The following RBPJ variants were observed in gnomAD, a reference collection of about 807,000 sequenced individuals.
RBPJ encodes recombining binding protein suppressor of hairless.
RBPJ carries 9 observed loss-of-function variants against 67.8 expected under a neutral mutation model. The observed-to-expected ratio is 0.13, with a 90% confidence interval of 0.08 to 0.23. RBPJ has a LOEUF of 0.23. Ranked by LOEUF, RBPJ falls within the 10% of genes least tolerant of loss-of-function variation. RBPJ has a pLI of 1.00. For synonymous variants in RBPJ, 198 were observed against 203.3 expected (o/e 0.97, Z 0.22); for missense variants, 305 against 595.6 (o/e 0.51, Z 5.08).
At chr4:26,313,683 A>T (rs1722511443) in intron 1 of RBPJ, among the ~76,000 whole-genome samples, 1 of 151,804 alleles carries the variant, frequency 6.6e-6, no homozygotes, top group Non-Finnish European at 1.5e-5. Flanking sequence ...AAAAAAAAAA[A>T]AAATTAGCAG....
intron 1 of RBPJ, among the ~76,000 whole-genome samples, chr4:26,231,723 A>G (rs1337783336): frequency 1.3e-5 from 2 of 150,194 alleles, no homozygotes; most frequent in Middle Eastern, 3.5e-3. Context: ...ATTTTTTTGT[A>G]TTTTTAGTAG....
At chr4:26,249,997 C>T (rs1386928174) in intron 1 of RBPJ, among the ~76,000 whole-genome samples, 1 of 151,366 alleles carries the variant, frequency 6.6e-6, no homozygotes, top group African/African-American at 2.4e-5. Context: ...TGTTGGTCAG[C>T]CTGGTCTCGA....
chr4:26,292,524 G>A (rs1046292804), intron 1 of RBPJ, among the ~76,000 whole-genome samples: 3 of 150,276 alleles, frequency 2.0e-5, no homozygotes, highest in Non-Finnish European at 3.0e-5. Context: ...GGGTTCAAGC[G>A]ATTCTCCTGT....
chr4:26,129,243 G>A, the RBPJ span, among the ~76,000 whole-genome samples: 112 of 152,292 alleles, frequency 7.4e-4, 1 homozygote, highest in African/African-American at 2.2e-3. Flanking sequence ...TCAAATAGGT[G>A]TTCTGTTTCC....
the RBPJ span, among the ~76,000 whole-genome samples, chr4:26,145,481 G>A: frequency 3.3e-5 from 5 of 152,286 alleles, no homozygotes; most frequent in East Asian, 1.9e-4. Context: ...ACTAATCTTC[G>A]AGTCCAGTGC....
intron 1 of RBPJ, among the ~76,000 whole-genome samples, chr4:26,340,214 T>C (rs1393613428): frequency 6.6e-6 from 1 of 152,012 alleles, no homozygotes; most frequent in Non-Finnish European, 1.5e-5. Flanking sequence ...GGCAAGATGG[T>C]CAAGGAAGGC....
intron 1 of RBPJ, among the ~76,000 whole-genome samples, chr4:26,222,690 A>T (rs906692433): frequency 1.3e-5 from 2 of 149,392 alleles, no homozygotes; most frequent in Admixed American, 1.3e-4. Context: ...GAAAGAAAGA[A>T]AAAGAACAGA....
the RBPJ span, among the ~76,000 whole-genome samples, chr4:26,147,837 T>A: frequency 6.6e-6 from 1 of 152,082 alleles, no homozygotes; most frequent in Non-Finnish European, 1.5e-5. Context: ...GTTGCAGTAA[T>A]TTGTTTAGGT....
the RBPJ span, among the ~76,000 whole-genome samples, chr4:26,135,546 A>G: frequency 1.3e-5 from 2 of 151,964 alleles, no homozygotes; most frequent in East Asian, 3.9e-4. Context: ...TGCAAGCAGA[A>G]GAGCTGAGAT....
At chr4:26,254,408 T>C (rs1720222658) in intron 1 of RBPJ, among the ~76,000 whole-genome samples, 1 of 148,752 alleles carries the variant, frequency 6.7e-6, no homozygotes, top group Non-Finnish European at 1.5e-5. Flanking sequence ...TGTATTCCAC[T>C]CAACTTTAGG....
At chr4:26,153,582 C>A in the RBPJ span, among the ~76,000 whole-genome samples, 8 of 152,174 alleles carry the variant, frequency 5.3e-5, no homozygotes, top group Non-Finnish European at 7.4e-5. Context: ...AATGTTTCCT[C>A]CAGTGTCACT....
intron 2 of RBPJ, among the ~76,000 whole-genome samples, chr4:26,397,323 A>T (rs1462513676): frequency 4.6e-5 from 7 of 152,250 alleles, no homozygotes; most frequent in Non-Finnish European, 1.0e-4. Flanking sequence ...ATAAATCAGG[A>T]TGCCTTTTGG....
intron 1 of RBPJ, among the ~76,000 whole-genome samples, chr4:26,270,437 G>GAAAGAAAGGAAGA (rs757127437): frequency 3.3e-5 from 1 of 30,200 alleles, no homozygotes; most frequent in Non-Finnish European, 9.8e-5. Context: ...AAGAAAGAAA[G>GAAAGAAAGGAAGA]AAGAAAGAAA....
chr4:26,424,670 G>A lies in RBPJ; in HGVS notation c.674G>A (p.Arg225Gln). The change falls in exon 7 of 11, where the codon CGA (arginine) becomes CAA (glutamine). Residue 225 changes from arginine to glutamine, a missense_variant. Physicochemically the swap from Arg to Gln is conservative, Grantham distance 43. This residue lies in a region of RBPJ where 66 missense variants were observed against 226.0 expected (regional missense o/e 0.29). Coordinates refer to ENST00000355476, the MANE Select transcript of RBPJ (RefSeq NM_015874.6). This position sits in a 1 kb window ranked among gnomAD's most constrained non-coding sequence, Gnocchi z 5.3. ...TCAGAAGGAGAAGAATTCACAGTCC[G>A]AGATGGCTACATCCATTATGGACAA... ...DESEGEEFTV[R>Q]DGYIHYGQTV... The A allele has an allele frequency of 4.3e-6, 7 of 1,613,772 alleles. No individual in the cohort carries two copies. The highest frequency in any genetic ancestry group is 2.2e-5 in the East Asian group (1 of 44,866).
the RBPJ span, among the ~76,000 whole-genome samples, chr4:26,107,514 G>A: frequency 6.6e-5 from 10 of 152,212 alleles, no homozygotes; most frequent in East Asian, 5.8e-4. Context: ...GGGAAACAGC[G>A]GATATTATAG....
intron 1 of RBPJ, among the ~76,000 whole-genome samples, chr4:26,170,156 G>A (rs531114773): frequency 3.0e-4 from 46 of 152,224 alleles, no homozygotes; most frequent in African/African-American, 6.5e-4. Context: ...GAAATCACCC[G>A]TCTTCTGCGT....
chr4:26,352,319 G>C (rs549863152), intron 1 of RBPJ, among the ~76,000 whole-genome samples: 5 of 152,264 alleles, frequency 3.3e-5, no homozygotes, highest in African/African-American at 9.6e-5. Flanking sequence ...GGTGGAATAG[G>C]GGGTGAAGGA....
intron 1 of RBPJ, among the ~76,000 whole-genome samples, chr4:26,299,414 T>C (rs1721995048): frequency 6.6e-6 from 1 of 152,122 alleles, no homozygotes. Context: ...CCTTAAGTAA[T>C]TGAGTATAAG....
At chr4:26,243,100 G>T (rs980853441) in intron 1 of RBPJ, among the ~76,000 whole-genome samples, 1 of 152,140 alleles carries the variant, frequency 6.6e-6, no homozygotes, top group African/African-American at 2.4e-5. Flanking sequence ...GGTGGCCGGC[G>T]CCTGTAATCC....
Sources: allele counts gnomAD v4.1 joint callset (sites outside exome capture counted in the v4.1 genomes callset), GRCh38; gene constraint gnomAD v4.1.1; regional missense constraint gnomAD v4.1.1; non-coding constraint Gnocchi (gnomAD v3.1); transcripts MANE v1.5; gene names NCBI Gene and HGNC (gene_info 2026-07-23, HGNC 2026-07-21).